MIX23: variants seen among roughly 807,000 people sequenced by gnomAD.
The protein encoded by MIX23 is protein MIX23.
MIX23 carries 13 observed loss-of-function variants against 21.6 expected under a neutral mutation model. That is an observed-to-expected ratio of 0.60 (90% confidence interval 0.39 to 0.96). The LOEUF is 0.96. MIX23 is among the 40% of genes least tolerant of loss of function. The probability of loss-of-function intolerance (pLI) is 0.00; values close to 1 mark genes in which losing one functional copy is unlikely to be tolerated. For missense variants in MIX23, 144 were observed against 171.2 expected (o/e 0.84, Z 0.89); for synonymous variants, 59 against 58.0 (o/e 1.02, Z -0.08).
intron 2 of MIX23, among the ~76,000 whole-genome samples, chr3:122,368,713 C>T (rs545168349): frequency 2.6e-5 from 4 of 152,312 alleles, no homozygotes; most frequent in East Asian, 3.9e-4. Flanking sequence ...GCCACTTAAA[C>T]GGCTATTCTT....
At chr3:122,367,867 G>A (rs985062679) in intron 3 of MIX23, 6 of 338,388 alleles carry the variant, frequency 1.8e-5, no homozygotes, top group Non-Finnish European at 3.3e-5. Flanking sequence ...TTTCTGATGT[G>A]GTACTTCACC....
At chr3:122,376,923 A>G (rs9876015) in intron 1 of MIX23, among the ~76,000 whole-genome samples, 89,337 of 151,954 alleles carry the variant, frequency 0.59, 26,546 homozygotes, top group East Asian at 0.69. Context: ...AGTGGCTCAC[A>G]CCTGTAATCC....
At chr3:122,362,139 A>G (rs909659121) in intron 4 of MIX23, among the ~76,000 whole-genome samples, 3 of 152,216 alleles carry the variant, frequency 2.0e-5, no homozygotes, top group Non-Finnish European at 2.9e-5. Flanking sequence ...GTTCCTAACA[A>G]GAACTATGCA....
Position 122,359,800 on chromosome 3 carries a change from T to C in MIX23, c.*69A>G. ...AAGCCCGCCCTGTTGATATCTGTCA[T>C]GCTTAGCTCTTATGAGATGACCCAG... On this transcript the variant is annotated 3_prime_UTR_variant, in exon 5 of 5. Transcript: ENST00000291458. 1 of 1,411,812 alleles carries C rather than the reference T, an allele frequency of 7.1e-7. No homozygotes were observed. Among genetic ancestry groups the C allele is most frequent in the South Asian group, 1.4e-5 (1 of 70,126 alleles). 87.5% of individuals were successfully genotyped at this position (1,411,812 alleles called of 1,614,324 possible). A position where few individuals can be genotyped will look rare whatever the true frequency, so the allele number is the denominator to read the frequency against.
At chr3:122,359,954 T>C in intron 4 of MIX23, 35 bp from the exon 5 acceptor site, 1 of 1,563,018 alleles carries the variant, frequency 6.4e-7, no homozygotes, top group East Asian at 2.3e-5. Flanking sequence ...AGTCATTGAG[T>C]TATCCTGCGT....
intron 1 of MIX23, among the ~76,000 whole-genome samples, chr3:122,375,960 G>A (rs1159329100): frequency 3.3e-5 from 5 of 151,572 alleles, no homozygotes; most frequent in South Asian, 2.1e-4. Context: ...TCAGGAGTTC[G>A]AGATCAGCCT....
Position 122,383,225 on chromosome 3 carries a change from ATT to A in MIX23, c.-3_-2del. 6.2e-7 allele frequency: 1 copy of A among 1,612,688 alleles called. No homozygotes were observed. Among genetic ancestry groups the A allele is most frequent in the Non-Finnish European group, 8.5e-7 (1 of 1,180,000 alleles). Reference sequence around the variant, plus strand: ...TCACACCGCCACTGGGCGCCGCCATATTGGACAAACACGAGGACCCCGCTGCA... The same window carrying A: ...TCACACCGCCACTGGGCGCCGCCATAGGACAAACACGAGGACCCCGCTGCA... On this transcript the variant is annotated 5_prime_UTR_variant, in exon 1 of 5. Transcript: ENST00000291458.
chr3:122,371,868 G>C, intron 1 of MIX23, 68 bp from the exon 2 acceptor site: 2 of 1,349,810 alleles, frequency 1.5e-6, no homozygotes, highest in Non-Finnish European at 2.1e-6. Flanking sequence ...AAGCATTTAA[G>C]TAAAAAATAA....
At chr3:122,373,034 C>T in intron 1 of MIX23, 1 of 401,964 alleles carries the variant, frequency 2.5e-6, no homozygotes, top group Non-Finnish European at 4.9e-6. Flanking sequence ...TTTCCTCGTC[C>T]ATTTGTTAAA....
At chr3:122,370,478 A>AAAAAAAAAG in intron 2 of MIX23, among the ~76,000 whole-genome samples, 1 of 151,436 alleles carries the variant, frequency 6.6e-6, no homozygotes, top group Non-Finnish European at 1.5e-5. Context: ...AAAAAAAAAA[A>AAAAAAAAAG]AAACTGAGGC....
At position 122,374,985 on chromosome 3, in the gene MIX23, T is replaced by C. The variant is rs546638851; in HGVS notation, c.52-3185A>G. ...GAACCAACGATAGGAACATCTGGGC[T>C]GGGGGTGGTGGCTCATGCCTGTAAT... On this transcript the variant is annotated intron_variant, in intron 1 of 4. Transcript: ENST00000291458. Among the ~76,000 whole-genome samples the C allele has an allele frequency of 2.7e-4, 41 of 152,174 alleles. No homozygotes were observed. The South Asian group carries it at 8.3e-3, about 31-fold the overall frequency.
At chr3:122,373,186 T>C (rs1401790105) in intron 1 of MIX23, among the ~76,000 whole-genome samples, 2 of 152,148 alleles carry the variant, frequency 1.3e-5, no homozygotes, top group Non-Finnish European at 2.9e-5. Flanking sequence ...AATGTTTTTA[T>C]ACAACTGAGG....
intron 2 of MIX23, among the ~76,000 whole-genome samples, chr3:122,369,962 C>T (rs1191150651): frequency 6.6e-6 from 1 of 152,124 alleles, no homozygotes; most frequent in Non-Finnish European, 1.5e-5. Flanking sequence ...GTCACCCAGG[C>T]TTGTCTTGAA....
intron 1 of MIX23, among the ~76,000 whole-genome samples, chr3:122,379,074 A>T (rs2075510431): frequency 6.6e-6 from 1 of 152,148 alleles, no homozygotes; most frequent in African/African-American, 2.4e-5. Context: ...ATTGCTGAAA[A>T]CTGTATGCCA....
chr3:122,375,287 A>G (rs1490162459), intron 1 of MIX23, among the ~76,000 whole-genome samples: 1 of 152,216 alleles, frequency 6.6e-6, no homozygotes, highest in Admixed American at 6.5e-5. Context: ...CTTGGGGCCT[A>G]AGCATCTAAT....
chr3:122,375,647 T>C (rs1240177202), intron 1 of MIX23, among the ~76,000 whole-genome samples: 1 of 152,176 alleles, frequency 6.6e-6, no homozygotes, highest in Admixed American at 6.5e-5. Context: ...TTTTGTGTTA[T>C]GTTTAAAATC....
At chr3:122,371,459 C>T (rs2075441058) in intron 2 of MIX23, among the ~76,000 whole-genome samples, 1 of 152,218 alleles carries the variant, frequency 6.6e-6, no homozygotes, top group Non-Finnish European at 1.5e-5. Flanking sequence ...TTCTTTAGAA[C>T]CATTTCTTCC....
chr3:122,365,792 C>A (rs1451900843), intron 3 of MIX23, among the ~76,000 whole-genome samples: 1 of 152,192 alleles, frequency 6.6e-6, no homozygotes, highest in Non-Finnish European at 1.5e-5. Flanking sequence ...ATTTAACAGC[C>A]TTTGCCCTGC....
intron 2 of MIX23, among the ~76,000 whole-genome samples, chr3:122,370,426 C>T (rs1023789641): frequency 7.6e-6 from 1 of 131,800 alleles, no homozygotes; most frequent in Non-Finnish European, 1.5e-5. Context: ...CACTGTACTC[C>T]AGCCTGGGTG....
Sources: gnomAD v4.1 joint callset for allele counts (sites outside exome capture counted in the v4.1 genomes callset) on GRCh38, gnomAD v4.1.1 for gene constraint, MANE v1.5 for transcripts, NCBI Gene and HGNC (gene_info 2026-07-23, HGNC 2026-07-21) for gene names.